CELF4: variants seen among roughly 807,000 people sequenced by gnomAD.
CELF4 encodes the protein CUGBP Elav-like family member 4.
A neutral mutation model predicts 59.9 loss-of-function variants in CELF4; 18 were observed. The ratio of observed to expected loss-of-function variants is 0.30; its 90% CI spans 0.21 to 0.45. CELF4 has a LOEUF of 0.45. Ranked by LOEUF, CELF4 falls within the 20% of genes least tolerant of loss-of-function variation. The pLI, the probability that CELF4 is intolerant of heterozygous loss-of-function variation, is 1.00. For missense variants in CELF4, 456 were observed against 689.0 expected (o/e 0.66, Z 3.79); for synonymous variants, 261 against 267.1 (o/e 0.98, Z 0.22).
In CELF4 at chr18:37,538,620, G is replaced by A. The variant is rs180872997; in HGVS notation, c.286+26736C>T. Among the ~76,000 whole-genome samples, 207 of 152,298 alleles carry A rather than the reference G, an allele frequency of 1.4e-3. 1 individual carries two copies. The highest frequency in any genetic ancestry group is 8.8e-5 in the Non-Finnish European group (6 of 68,022). On this transcript the variant is annotated intron_variant, in intron 1 of 12. Transcript: ENST00000420428. ...TGCCTGGGACTAGTGATTCCCTCAG[G>A]TGCCTCCTCTGCTCTGATTCTTTTT...
intron 4 of CELF4, 112 bp downstream of exon 4, chr18:37,275,003 C>A (rs2092808813): frequency 6.5e-7 from 1 of 1,537,272 alleles, no homozygotes; most frequent in Non-Finnish European, 8.9e-7. Context: ...AAAGAGACAC[C>A]AAGAAGCCCA....
chr18:37,343,890 C>G (rs2098148890), intron 2 of CELF4, among the ~76,000 whole-genome samples: 1 of 152,140 alleles, frequency 6.6e-6, no homozygotes, highest in Non-Finnish European at 1.5e-5. Flanking sequence ...TCTCTGGTAC[C>G]CCTCACCACG....
At chr18:37,247,372 G>A (rs1217498437) in intron 12 of CELF4, 1 of 147,382 alleles carries the variant, frequency 6.8e-6, no homozygotes, top group African/African-American at 2.7e-5. Context: ...AGAGAGTGTG[G>A]GTGGGGGAAG....
intron 2 of CELF4, among the ~76,000 whole-genome samples, chr18:37,437,497 G>A (rs2154601016): frequency 1.3e-5 from 2 of 152,316 alleles, no homozygotes; most frequent in East Asian, 3.9e-4. Context: ...AGATACTATG[G>A]AAACTGGGGG....
intron 2 of CELF4, among the ~76,000 whole-genome samples, chr18:37,365,485 T>TTTTC (rs1463102717): frequency 5.7e-5 from 8 of 139,950 alleles, no homozygotes; most frequent in Admixed American, 2.9e-4. Context: ...GGGGCAATTT[T>TTTTC]TTTTTTTTTT....
At chr18:37,350,087 G>A (rs1469571768) in intron 2 of CELF4, among the ~76,000 whole-genome samples, 1 of 152,168 alleles carries the variant, frequency 6.6e-6, no homozygotes, top group Admixed American at 6.5e-5. Context: ...ACATGCCTGG[G>A]ACAGATAGAG....
At position 37,335,989 on chromosome 18, in the gene CELF4, A is replaced by G. The variant is rs192266736; in HGVS notation, c.370-14108T>C. Reference sequence around the variant, plus strand: ...TTCTGCTCCCCTAGCTTGGACTCCAACTCTATTCCAGCCATTCATACTCTC... The same window carrying G: ...TTCTGCTCCCCTAGCTTGGACTCCAGCTCTATTCCAGCCATTCATACTCTC... On this transcript the variant is annotated intron_variant, in intron 2 of 12. Transcript: ENST00000420428. Among the ~76,000 whole-genome samples, 8 of 151,066 alleles carry G rather than the reference A, an allele frequency of 5.3e-5. No homozygotes were observed. In the East Asian group the frequency reaches 1.2e-3, roughly 22 times the overall value.
At chr18:37,488,212 C>A (rs1314193954) in intron 1 of CELF4, among the ~76,000 whole-genome samples, 1 of 152,278 alleles carries the variant, frequency 6.6e-6, no homozygotes, top group East Asian at 1.9e-4. Flanking sequence ...TTAGCATAGC[C>A]CTGCACCCAC....
intron 1 of CELF4, among the ~76,000 whole-genome samples, chr18:37,546,199 G>A (rs757804338): frequency 6.6e-6 from 1 of 152,064 alleles, no homozygotes; most frequent in Non-Finnish European, 1.5e-5. Context: ...ACTAAAAATT[G>A]GCCCACCCGA....
chr18:37,438,325 G>C (rs1184199821), intron 2 of CELF4, among the ~76,000 whole-genome samples: 1 of 152,182 alleles, frequency 6.6e-6, no homozygotes. Context: ...CCTTGAAATG[G>C]ACCGAGTATC....
intron 2 of CELF4, among the ~76,000 whole-genome samples, chr18:37,402,201 G>A (rs1404854957): frequency 1.3e-5 from 2 of 152,216 alleles, no homozygotes; most frequent in East Asian, 1.9e-4. Context: ...CGCTGGGGAT[G>A]AGCAGGGAGG....
intron 2 of CELF4, among the ~76,000 whole-genome samples, chr18:37,450,540 A>T (rs2154601627): frequency 6.6e-6 from 1 of 151,198 alleles, no homozygotes; most frequent in Non-Finnish European, 1.5e-5. Context: ...TATTCAAGGC[A>T]GATAAAGTGC....
At chr18:37,396,499 G>A (rs1475238179) in intron 2 of CELF4, among the ~76,000 whole-genome samples, 1 of 152,194 alleles carries the variant, frequency 6.6e-6, no homozygotes, top group Non-Finnish European at 1.5e-5. Context: ...ACCACGGTGA[G>A]TGAGTCAGGG....
intron 2 of CELF4, among the ~76,000 whole-genome samples, chr18:37,402,281 G>A (rs1238940602): frequency 6.6e-6 from 1 of 152,194 alleles, no homozygotes; most frequent in Non-Finnish European, 1.5e-5. Context: ...ATTACCATCC[G>A]TCTTTCAGGT....
intron 2 of CELF4, among the ~76,000 whole-genome samples, chr18:37,474,750 C>G (rs977968258): frequency 2.6e-5 from 4 of 152,214 alleles, no homozygotes; most frequent in African/African-American, 4.8e-5. Flanking sequence ...TTGATCTGCT[C>G]TCTTATTTGG....
intron 2 of CELF4, among the ~76,000 whole-genome samples, chr18:37,360,845 G>A (rs1603627837): frequency 6.6e-6 from 1 of 152,208 alleles, no homozygotes; most frequent in East Asian, 1.9e-4. Flanking sequence ...CTAATGCGTG[G>A]AGCTATGTGA....
chr18:37,447,225 G>A (rs1022038189), intron 2 of CELF4, among the ~76,000 whole-genome samples: 5 of 152,186 alleles, frequency 3.3e-5, no homozygotes, highest in African/African-American at 1.2e-4. Context: ...CCAAACACTT[G>A]GCATCCAAAT....
chr18:37,279,255 G>A (rs1041290213), intron 3 of CELF4, among the ~76,000 whole-genome samples: 1 of 152,216 alleles, frequency 6.6e-6, no homozygotes, highest in Admixed American at 6.5e-5. Flanking sequence ...CTGGGCCAAG[G>A]TGTTGAGGCA....
At chr18:37,462,623 C>T (rs1180041877) in intron 2 of CELF4, among the ~76,000 whole-genome samples, 1 of 152,080 alleles carries the variant, frequency 6.6e-6, no homozygotes, top group Non-Finnish European at 1.5e-5. Context: ...AGAGCTGGGG[C>T]CCTCATGTTT....
Sources: gnomAD v4.1 joint callset for allele counts (sites outside exome capture counted in the v4.1 genomes callset) on GRCh38, gnomAD v4.1.1 for gene constraint, MANE v1.5 for transcripts, NCBI Gene and HGNC (gene_info 2026-07-23, HGNC 2026-07-21) for gene names.